The following FAM186A variants were observed in gnomAD, a reference collection of about 807,000 sequenced individuals.
FAM186A encodes the protein family with sequence similarity 186 member A, also known as protein FAM186A.
In FAM186A, 163 loss-of-function variants were observed where a neutral mutation model predicts 216.8. The observed-to-expected ratio is 0.75, with a 90% CI of 0.66 to 0.86. The LOEUF (loss-of-function observed/expected upper bound fraction) is 0.86, where lower values mean the gene tolerates loss of function less well. FAM186A is among the 40% of genes least tolerant of loss of function. The pLI, the probability that FAM186A is intolerant of heterozygous loss-of-function variation, is 0.00. For synonymous variants in FAM186A, 805 were observed against 1,025.3 expected, an observed-to-expected ratio of 0.79 and a Z score of 4.10; for missense variants, 2,184 against 2,746.2, an observed-to-expected ratio of 0.80 and a Z score of 4.58.
chr12:50,337,788 C>G (rs1370523900), intron 4 of FAM186A, among the ~76,000 whole-genome samples: 4 of 151,844 alleles, frequency 2.6e-5, no homozygotes, highest in Non-Finnish European at 5.9e-5. Context: ...CCCAGCTACT[C>G]GGGAGGCTGA....
intron 1 of FAM186A, among the ~76,000 whole-genome samples, chr12:50,374,154 G>T (rs1232740537): frequency 7.9e-6 from 1 of 126,176 alleles, no homozygotes; most frequent in Non-Finnish European, 1.6e-5. Context: ...ACTGTTGTGG[G>T]GTGGGGGGAG....
At chr12:50,388,033 A>G (rs1943320028) in intron 1 of FAM186A, among the ~76,000 whole-genome samples, 2 of 151,872 alleles carry the variant, frequency 1.3e-5, no homozygotes, top group Admixed American at 6.6e-5. Context: ...AGCTCTCCAA[A>G]CCCTGTCCTT....
In FAM186A at chr12:50,357,458, C is replaced by T. The variant is rs184064030; in HGVS notation, c.584-1210G>A. 2.9e-3 allele frequency among the ~76,000 whole-genome samples: 429 copies of T among 148,512 alleles called. 2 individuals carry two copies. The highest frequency in any genetic ancestry group is 9.7e-3 in the African/African-American group (389 of 39,978). ...CGGCGGTTGCGGTGAGCCGAGATCA[C>T]ACCACTGTACTTCAGCCTGGGCAAA... On this transcript the variant is annotated intron_variant, in intron 3 of 7. Transcript: ENST00000327337.
chr12:50,391,971 A>C (rs1384639452), intron 1 of FAM186A, among the ~76,000 whole-genome samples: 1 of 152,210 alleles, frequency 6.6e-6, no homozygotes, highest in African/African-American at 2.4e-5. Context: ...AACAATAAAA[A>C]GGAATCAACT....
chr12:50,339,741 T>TACACACACACACACAC (rs10611207), intron 4 of FAM186A, among the ~76,000 whole-genome samples: 64 of 148,520 alleles, frequency 4.3e-4, no homozygotes, highest in African/African-American at 1.4e-3. Flanking sequence ...CAAAGTACTT[T>TACACACACACACACAC]ACACACACAC....
In FAM186A at chr12:50,363,253, T is replaced by G; in HGVS notation, c.304A>C (p.Lys102Gln). The G allele has an allele frequency of 6.4e-7, 1 of 1,551,594 alleles. No homozygotes were observed. Among genetic ancestry groups the G allele is most frequent in the Non-Finnish European group, 8.7e-7 (1 of 1,146,966 alleles). ...AGAAAATTGGTTCTCTGTTTTTTCT[T>G]ATGTTCTGTAAGGGAGACATTCCTT... The part of the protein sequence containing the change: ...SERNVSLTEH[K>Q]KKQRTNFLEK... Residue 102 changes from lysine (K) to glutamine (Q), a missense_variant, in exon 2 of 8, where the codon AAG becomes CAG. Coordinates refer to ENST00000327337, the MANE Select transcript of FAM186A (RefSeq NM_001145475.3).
chr12:50,380,706 A>G (rs1368101724), intron 1 of FAM186A, among the ~76,000 whole-genome samples: 1 of 150,688 alleles, frequency 6.6e-6, no homozygotes, highest in Non-Finnish European at 1.5e-5. Flanking sequence ...AAAAAAAAAA[A>G]GAACTGGTGT....
chr12:50,393,034 C>G (rs1943375799), intron 1 of FAM186A, among the ~76,000 whole-genome samples: 1 of 151,244 alleles, frequency 6.6e-6, no homozygotes, highest in Non-Finnish European at 1.5e-5. Context: ...TCACGCCATT[C>G]TCCTGCCTCA....
intron 3 of FAM186A, among the ~76,000 whole-genome samples, chr12:50,356,542 A>G (rs1942979232): frequency 1.3e-5 from 2 of 152,138 alleles, no homozygotes; most frequent in Non-Finnish European, 2.9e-5. Flanking sequence ...CTTGGCTCAA[A>G]CAATCCACCC....
At chr12:50,329,656 G>A (rs531448356) in intron 7 of FAM186A, among the ~76,000 whole-genome samples, 41 of 150,522 alleles carry the variant, frequency 2.7e-4, no homozygotes, top group African/African-American at 9.5e-4. Context: ...GGAGTGCAGT[G>A]GCACAATCTG....
intron 1 of FAM186A, among the ~76,000 whole-genome samples, chr12:50,394,306 CT>C: frequency 6.6e-6 from 1 of 151,982 alleles, no homozygotes; most frequent in Non-Finnish European, 1.5e-5. Context: ...CGCCTGTAAT[CT>C]CAGCACTTTG....
intron 1 of FAM186A, among the ~76,000 whole-genome samples, chr12:50,371,013 C>T (rs1044685118): frequency 7.9e-5 from 12 of 152,068 alleles, no homozygotes; most frequent in Non-Finnish European, 1.5e-4. Flanking sequence ...GCAGAAGAAT[C>T]GCTTGAACCC....
At chr12:50,356,449 T>TTTTC (rs1240348388) in intron 3 of FAM186A, among the ~76,000 whole-genome samples, 47 of 152,262 alleles carry the variant, frequency 3.1e-4, no homozygotes, top group African/African-American at 1.1e-3. Flanking sequence ...ACCTAGAAGT[T>TTTTC]TTTCTTTCTT....
At chr12:50,374,803 C>G (rs1194747672) in intron 1 of FAM186A, among the ~76,000 whole-genome samples, 1 of 152,126 alleles carries the variant, frequency 6.6e-6, no homozygotes, top group African/African-American at 2.4e-5. Context: ...AAAAGAAATA[C>G]AGGAAAATGG....
intron 4 of FAM186A, among the ~76,000 whole-genome samples, chr12:50,350,093 C>T (rs1366805654): frequency 1.3e-5 from 2 of 152,142 alleles, no homozygotes; most frequent in African/African-American, 2.4e-5. Flanking sequence ...ATATACTTGG[C>T]ATCTCCGCTG....
chr12:50,375,064 T>C (rs1316096419), intron 1 of FAM186A, among the ~76,000 whole-genome samples: 3 of 151,920 alleles, frequency 2.0e-5, no homozygotes, highest in African/African-American at 7.2e-5. Context: ...TGTAGTCCCA[T>C]CTACCTGGGA....
At chr12:50,393,213 C>T (rs529258694) in intron 1 of FAM186A, among the ~76,000 whole-genome samples, 5 of 151,942 alleles carry the variant, frequency 3.3e-5, no homozygotes, top group East Asian at 2.0e-4. Context: ...TATGAGCCAC[C>T]GCTCCCGGCT....
rs1942615654 is a variant in FAM186A, at chr12:50,327,367, G to A, written c.*16C>T. 2 of 1,540,982 alleles carry A rather than the reference G, an allele frequency of 1.3e-6. No individual in the cohort carries two copies. The highest frequency in any genetic ancestry group is 2.4e-5 in the South Asian group (2 of 83,476). On this transcript the variant is annotated 3_prime_UTR_variant, in exon 8 of 8. Coordinates refer to ENST00000327337, the MANE Select transcript of FAM186A (RefSeq NM_001145475.3). Reference sequence around the variant, plus strand: ...ACTGAAATGTACTTTCAACATGCTTGTATTTAATTTTACAGTCATTTGGGA... The same window carrying A: ...ACTGAAATGTACTTTCAACATGCTTATATTTAATTTTACAGTCATTTGGGA...
At position 50,331,704 on chromosome 12, in the gene FAM186A, C is replaced by T. The variant is rs1183350430; in HGVS notation, c.6814G>A (p.Glu2272Lys). The change falls in exon 6 of 8, where the codon GAG becomes AAG. Residue 2272 changes from glutamate to lysine, a missense_variant. Around this residue, in one of 7 missense-constraint regions of FAM186A, gnomAD observed 721 missense variants for 816.4 expected, o/e 0.88. Transcript: ENST00000327337. ...TTGCATATGTCAGAGGTTCTGTCCT[C>T]TTCCATTAGTAATTTTAAGAATGGC... Reference protein sequence around the residue: ...QKPFLKLLMEEDRTSDICKKF... With the variant: ...QKPFLKLLMEKDRTSDICKKF... 1 of 1,546,554 alleles carries T rather than the reference C, an allele frequency of 6.5e-7. No homozygotes were observed.
Sources: allele counts gnomAD v4.1 joint callset (sites outside exome capture counted in the v4.1 genomes callset), GRCh38; gene constraint gnomAD v4.1.1; regional missense constraint gnomAD v4.1.1; transcripts MANE v1.5; gene names NCBI Gene and HGNC (gene_info 2026-07-23, HGNC 2026-07-21).